Variants in OSBPL1A observed in about 807,000 individuals in gnomAD.
OSBPL1A encodes the protein oxysterol binding protein like 1A.
In OSBPL1A, 80 loss-of-function variants were observed where a neutral mutation model predicts 137.1. The ratio of observed to expected loss-of-function variants is 0.58; its 90% CI spans 0.49 to 0.70. The LOEUF (loss-of-function observed/expected upper bound fraction) is 0.70. OSBPL1A is among the 30% of genes least tolerant of loss of function. The pLI is 0.00. For synonymous variants in OSBPL1A, 365 were observed against 389.7 expected (o/e 0.94, Z 0.75); for missense variants, 970 against 1,129.4 (o/e 0.86, Z 2.02).
chr18:24,374,509 C>G (rs1905932036), intron 2 of OSBPL1A, among the ~76,000 whole-genome samples: 1 of 152,126 alleles, frequency 6.6e-6, no homozygotes, highest in Non-Finnish European at 1.5e-5. Flanking sequence ...GAAAAGACCC[C>G]CCCTAGATCG....
intron 16 of OSBPL1A, among the ~76,000 whole-genome samples, chr18:24,233,725 T>C (rs2088355072): frequency 6.6e-6 from 1 of 152,158 alleles, no homozygotes; most frequent in African/African-American, 2.4e-5. Context: ...CTCGGCTCAC[T>C]GCAACCTCCG....
chr18:24,181,850 A>T (rs2086614045), intron 18 of OSBPL1A, among the ~76,000 whole-genome samples: 1 of 152,154 alleles, frequency 6.6e-6, no homozygotes. Context: ...TTATAAAAGT[A>T]AAAGCTCCCC....
chr18:24,199,014 T>C (rs1290080202), intron 17 of OSBPL1A, among the ~76,000 whole-genome samples: 2 of 151,858 alleles, frequency 1.3e-5, no homozygotes, highest in Admixed American at 6.6e-5. Context: ...CCCGCCACCA[T>C]GCCTGGCTAA....
intron 16 of OSBPL1A, among the ~76,000 whole-genome samples, chr18:24,233,126 G>C (rs577919014): frequency 2.6e-5 from 4 of 152,268 alleles, no homozygotes; most frequent in African/African-American, 7.2e-5. Context: ...GGAATTTTCC[G>C]TGAAACTGCT....
intron 1 of OSBPL1A, among the ~76,000 whole-genome samples, chr18:24,391,034 G>A (rs1281585581): frequency 6.6e-6 from 1 of 151,120 alleles, no homozygotes; most frequent in Non-Finnish European, 1.5e-5. Context: ...CGGGAGGCAG[G>A]GGTTGCAGTG....
chr18:24,297,569 C>T (rs1209941633), intron 14 of OSBPL1A, among the ~76,000 whole-genome samples: 1 of 152,180 alleles, frequency 6.6e-6, no homozygotes, highest in East Asian at 1.9e-4. Context: ...TTTGCTCTAT[C>T]CCAGAGGTTT....
chr18:24,196,326 G>T, intron 17 of OSBPL1A, 126 bp from the exon 18 acceptor site: 2 of 677,094 alleles, frequency 3.0e-6, no homozygotes, highest in South Asian at 1.8e-5. Flanking sequence ...TGTCATCACA[G>T]ACAGGGCTAA....
chr18:24,247,651 A>G (rs2088942813), intron 15 of OSBPL1A, among the ~76,000 whole-genome samples: 1 of 149,098 alleles, frequency 6.7e-6, no homozygotes, highest in Admixed American at 6.7e-5. Context: ...ATTTTTTTTA[A>G]TAGGGACAGG....
At chr18:24,175,102 GTGTATGTATA>G (rs763038791) in intron 21 of OSBPL1A, among the ~76,000 whole-genome samples, 19,554 of 83,332 alleles carry the variant, frequency 0.23, 1,819 homozygotes, top group East Asian at 0.36. Context: ...TATTTGCCAT[GTGTATGTATA>G]TATATATATA....
chr18:24,194,649 A>G (rs112732704), intron 18 of OSBPL1A, among the ~76,000 whole-genome samples: 15 of 152,354 alleles, frequency 9.8e-5, no homozygotes, highest in African/African-American at 3.4e-4. Context: ...ATTAATGATA[A>G]TATGAACTAT....
chr18:24,356,363 A>G (rs908557733), intron 4 of OSBPL1A, among the ~76,000 whole-genome samples: 3 of 152,166 alleles, frequency 2.0e-5, no homozygotes, highest in African/African-American at 7.2e-5. Context: ...TTTACTCAAG[A>G]AACTATACAG....
At chr18:24,196,278 T>C (rs2087028128) in intron 17 of OSBPL1A, 78 bp from the exon 18 acceptor site, 8 of 980,524 alleles carry the variant, frequency 8.2e-6, no homozygotes, top group East Asian at 2.4e-5. Context: ...TTCATTCACA[T>C]GAGAGCTGCA....
intron 7 of OSBPL1A, among the ~76,000 whole-genome samples, chr18:24,325,331 G>A (rs1356821920): frequency 6.6e-6 from 1 of 152,172 alleles, no homozygotes; most frequent in Non-Finnish European, 1.5e-5. Context: ...CTGGGCCTCT[G>A]GCAGCTCTGA....
chr18:24,275,342 G>T (rs1437645581), intron 15 of OSBPL1A, among the ~76,000 whole-genome samples: 1 of 152,128 alleles, frequency 6.6e-6, no homozygotes, highest in East Asian at 1.9e-4. Context: ...ATAAAAACTG[G>T]AGTGAAGAGT....
chr18:24,214,318 C>T (rs1203604419), intron 17 of OSBPL1A, among the ~76,000 whole-genome samples: 3 of 152,162 alleles, frequency 2.0e-5, no homozygotes, highest in Non-Finnish European at 4.4e-5. Context: ...AGCTAACTAC[C>T]GTCATCCCTA....
intron 7 of OSBPL1A, among the ~76,000 whole-genome samples, chr18:24,331,445 G>A (rs2091075792): frequency 6.8e-6 from 1 of 146,202 alleles, no homozygotes; most frequent in African/African-American, 2.6e-5. Context: ...CGCCCAGGCT[G>A]GAGTGCAGTG....
intron 14 of OSBPL1A, among the ~76,000 whole-genome samples, chr18:24,296,398 T>G (rs8097691): frequency 0.42 from 64,477 of 151,932 alleles, 14,424 homozygotes; most frequent in African/African-American, 0.52. Flanking sequence ...TCTAGGAGTC[T>G]TTTGGATGAG....
chr18:24,292,038 T>C (rs985861931), intron 14 of OSBPL1A, among the ~76,000 whole-genome samples: 3 of 152,154 alleles, frequency 2.0e-5, no homozygotes, highest in African/African-American at 7.2e-5. Context: ...TGAGCCAAGA[T>C]TGCGCCACTG....
chr18:24,196,275 A>C, intron 17 of OSBPL1A, 75 bp from the exon 18 acceptor site: 1 of 982,298 alleles, frequency 1.0e-6, no homozygotes, highest in Non-Finnish European at 1.6e-6. Flanking sequence ...GCTTTCATTC[A>C]CATGAGAGCT....
Sources: gnomAD v4.1 joint callset for allele counts (sites outside exome capture counted in the v4.1 genomes callset) on GRCh38, gnomAD v4.1.1 for gene constraint, MANE v1.5 for transcripts, NCBI Gene and HGNC (gene_info 2026-07-23, HGNC 2026-07-21) for gene names.